The following PDE4D variants were observed in gnomAD, a reference collection of about 807,000 sequenced individuals.
The protein encoded by PDE4D is phosphodiesterase 4D, also known as 3',5'-cyclic-AMP phosphodiesterase 4D.
A neutral mutation model predicts 87.4 loss-of-function variants in PDE4D; 24 were observed. The ratio of observed to expected loss-of-function variants is 0.27; its 90% CI spans 0.20 to 0.39. PDE4D has a LOEUF of 0.39. Ranked by LOEUF, PDE4D falls within the 10% of genes least tolerant of loss-of-function variation. The pLI is 1.00. For missense variants in PDE4D, 714 were observed against 1,041.0 expected, an observed-to-expected ratio of 0.69 and a Z score of 4.32; for synonymous variants, 384 against 383.2, an observed-to-expected ratio of 1.00 and a Z score of -0.02.
chr5:60,185,801 A>C lies in PDE4D; in HGVS notation c.-89-114T>G, dbSNP rs190639187. 2.9e-3 allele frequency: 1,250 copies of C among 425,746 alleles called. 11 individuals are homozygous for C. Among genetic ancestry groups the C allele is most frequent in the African/African-American group, 0.022 (1,129 of 50,482 alleles). 26.4% of individuals were successfully genotyped at this position (425,746 alleles called of 1,614,324 possible). A position where few individuals can be genotyped will look rare whatever the true frequency, so the allele number is the denominator to read the frequency against. ...TAAATAATTCATCGGAACAGGCTAAAACGGTGCTGTGTTTAAAGCAATAAA... is the reference window on the plus strand; with the variant it reads ...TAAATAATTCATCGGAACAGGCTAACACGGTGCTGTGTTTAAAGCAATAAA... On this transcript the variant is annotated intron_variant, in intron 1 of 16. Coordinates refer to the PDE4D transcript ENST00000502484.
chr5:60,025,873 C>A (rs374167082), intron 2 of PDE4D, among the ~76,000 whole-genome samples: 8 of 152,264 alleles, frequency 5.3e-5, no homozygotes, highest in African/African-American at 1.9e-4. Flanking sequence ...TACAGTGAGA[C>A]CCTGTCTCAG....
chr5:59,651,585 A>G (rs1743513918), intron 1 of PDE4D, among the ~76,000 whole-genome samples: 1 of 152,040 alleles, frequency 6.6e-6, no homozygotes, highest in African/African-American at 2.4e-5. Context: ...GAAAATATTA[A>G]TAATTATAAT....
At chr5:60,403,175 C>T (rs77834064) in intron 1 of PDE4D, among the ~76,000 whole-genome samples, 8,581 of 152,212 alleles carry the variant, frequency 0.056, 752 homozygotes, top group African/African-American at 0.19. Flanking sequence ...TTAGGAGGCT[C>T]GGCAGGTGGA....
At chr5:59,174,557 G>A (rs918063845) in intron 5 of PDE4D, 1 of 152,586 alleles carries the variant, frequency 6.6e-6, no homozygotes, top group African/African-American at 2.4e-5. Context: ...TGGGGTATAA[G>A]CAGTAGATAT....
chr5:59,598,488 A>G (rs1204180385), intron 1 of PDE4D, among the ~76,000 whole-genome samples: 3 of 152,194 alleles, frequency 2.0e-5, no homozygotes, highest in African/African-American at 7.2e-5. Flanking sequence ...AAGCAGGAAC[A>G]AAGTTAATGA....
At chr5:60,468,138 T>TTTTTTTTTTTTTTTTTTG (rs1747522662) in intron 1 of PDE4D, among the ~76,000 whole-genome samples, 3 of 70,904 alleles carry the variant, frequency 4.2e-5, no homozygotes, top group African/African-American at 1.7e-4. Flanking sequence ...TTCTTTTTTC[T>TTTTTTTTTTTTTTTTTTG]TTTTTTTTTG....
At chr5:60,101,275 T>C (rs565981282) in intron 2 of PDE4D, among the ~76,000 whole-genome samples, 24 of 152,110 alleles carry the variant, frequency 1.6e-4, no homozygotes, top group Non-Finnish European at 3.4e-4. Flanking sequence ...GCTCAGGAAA[T>C]CTGACTCAAC....
intron 1 of PDE4D, among the ~76,000 whole-genome samples, chr5:60,282,235 A>ATATATATATATATATATATATATATATG (rs1490291783): frequency 1.5e-5 from 2 of 132,048 alleles, no homozygotes; most frequent in Non-Finnish European, 3.2e-5. Context: ...ATATATATAT[A>ATATATATATATATATATATATATATATG]TATTTCTCAA....
chr5:60,162,992 G>A (rs1456910618), intron 2 of PDE4D, among the ~76,000 whole-genome samples: 1 of 152,080 alleles, frequency 6.6e-6, no homozygotes, highest in Admixed American at 6.5e-5. Context: ...TCAGTTATCT[G>A]TTTTTTAAAC....
chr5:59,064,352 A>G (rs2153413460), intron 5 of PDE4D, among the ~76,000 whole-genome samples: 1 of 152,172 alleles, frequency 6.6e-6, no homozygotes, highest in African/African-American at 2.4e-5. Flanking sequence ...CATCCTTGGT[A>G]CTCTTTCAGG....
intron 1 of PDE4D, among the ~76,000 whole-genome samples, chr5:59,736,495 A>G (rs1047644223): frequency 1.3e-5 from 2 of 152,068 alleles, no homozygotes; most frequent in Non-Finnish European, 2.9e-5. Context: ...CCTGACCAAC[A>G]TGGCGAAACA....
chr5:59,574,539 A>C (rs1822800057), intron 1 of PDE4D, among the ~76,000 whole-genome samples: 1 of 152,166 alleles, frequency 6.6e-6, no homozygotes. Context: ...TCAGCATCAG[A>C]GTTGAATTTG....
intron 1 of PDE4D, among the ~76,000 whole-genome samples, chr5:59,677,736 G>C (rs533264912): frequency 6.6e-6 from 1 of 152,192 alleles, no homozygotes; most frequent in South Asian, 2.1e-4. Context: ...AAGGGTTTCC[G>C]AATCAGCCCA....
chr5:59,903,671 C>T (rs1043698667), intron 3 of PDE4D, among the ~76,000 whole-genome samples: 5 of 152,048 alleles, frequency 3.3e-5, no homozygotes, highest in African/African-American at 4.8e-5. Context: ...ATTACTATCC[C>T]GATTGTACAG....
chr5:59,886,439 C>T (rs890425102), intron 1 of PDE4D, among the ~76,000 whole-genome samples: 3 of 151,982 alleles, frequency 2.0e-5, no homozygotes, highest in African/African-American at 7.3e-5. Flanking sequence ...ATCGCTTGAA[C>T]CCGGTAGGCG....
intron 1 of PDE4D, among the ~76,000 whole-genome samples, chr5:59,808,979 C>CT (rs374382581): frequency 2.0e-4 from 31 of 152,028 alleles, no homozygotes; most frequent in Admixed American, 5.9e-4. Context: ...TTCTTGCATT[C>CT]TTTTTTTTGG....
At chr5:59,679,256 G>C (rs937954286) in intron 1 of PDE4D, among the ~76,000 whole-genome samples, 3 of 152,170 alleles carry the variant, frequency 2.0e-5, no homozygotes, top group African/African-American at 7.2e-5. Flanking sequence ...AGACTAGAGT[G>C]TCTAAGTGTC....
At chr5:60,409,982 C>T (rs1224094373) in intron 1 of PDE4D, among the ~76,000 whole-genome samples, 1 of 152,192 alleles carries the variant, frequency 6.6e-6, no homozygotes, top group Non-Finnish European at 1.5e-5. Context: ...TGCCCCATTC[C>T]TGTTCAGGGC....
intron 1 of PDE4D, among the ~76,000 whole-genome samples, chr5:59,661,001 G>T (rs181614865): frequency 6.6e-6 from 1 of 150,748 alleles, no homozygotes; most frequent in Non-Finnish European, 1.5e-5. Flanking sequence ...AAGGATACAG[G>T]AGAAAGGGTG....
Sources: gnomAD v4.1 joint callset for allele counts (sites outside exome capture counted in the v4.1 genomes callset) on GRCh38, gnomAD v4.1.1 for gene constraint, MANE v1.5 for transcripts, NCBI Gene and HGNC (gene_info 2026-07-23, HGNC 2026-07-21) for gene names.